The following ST18 variants were observed in gnomAD, a reference collection of about 807,000 sequenced individuals.
The protein encoded by ST18 is suppression of tumorigenicity 18 protein.
Under a neutral mutation model 110.0 loss-of-function variants are expected in ST18, and 50 were observed. The ratio of observed to expected loss-of-function variants is 0.45; its 90% CI spans 0.36 to 0.58. The LOEUF (loss-of-function observed/expected upper bound fraction) is 0.58. Ranked by LOEUF, ST18 falls within the 20% of genes least tolerant of loss-of-function variation. The pLI, the probability that ST18 is intolerant of heterozygous loss-of-function variation, is 0.00. For synonymous variants in ST18, 461 were observed against 452.4 expected, an observed-to-expected ratio of 1.02 and a Z score of -0.24; for missense variants, 1,306 against 1,280.1, an observed-to-expected ratio of 1.02 and a Z score of -0.31.
intron 2 of ST18, among the ~76,000 whole-genome samples, chr8:52,382,371 A>C (rs1399034169): frequency 6.6e-6 from 1 of 152,120 alleles, no homozygotes; most frequent in Admixed American, 6.5e-5. Flanking sequence ...CTGGCAGAAA[A>C]AAAAATAAGA....
chr8:52,335,341 A>G (rs910942070), intron 2 of ST18, among the ~76,000 whole-genome samples: 85 of 149,956 alleles, frequency 5.7e-4, no homozygotes, highest in Non-Finnish European at 1.5e-4. Flanking sequence ...CGCCTGCCTC[A>G]GGGATCCACC....
intron 2 of ST18, among the ~76,000 whole-genome samples, chr8:52,366,519 T>C (rs899759175): frequency 6.6e-6 from 1 of 152,170 alleles, no homozygotes; most frequent in Admixed American, 6.5e-5. Context: ...CAATAAGTCT[T>C]GCTCGTTTTC....
At chr8:52,116,449 A>C in intron 24 of ST18, 31 bp from the exon 25 acceptor site, 2 of 1,600,676 alleles carry the variant, frequency 1.2e-6, no homozygotes, top group South Asian at 2.2e-5. Flanking sequence ...GAATGTGAGT[A>C]GTGGAGTTTG....
At chr8:52,380,699 T>C (rs975287596) in intron 2 of ST18, among the ~76,000 whole-genome samples, 2 of 152,050 alleles carry the variant, frequency 1.3e-5, no homozygotes, top group Non-Finnish European at 2.9e-5. Context: ...TGCCGATGCC[T>C]AACATTCATT....
chr8:52,133,982 C>T (rs1317607346), intron 19 of ST18, among the ~76,000 whole-genome samples: 2 of 152,146 alleles, frequency 1.3e-5, no homozygotes, highest in Non-Finnish European at 2.9e-5. Flanking sequence ...CTGCCCGTCT[C>T]GGCCTCCCAA....
Position 52,169,035 on chromosome 8 carries a change from C to T in ST18, c.1070-2049G>A, listed in dbSNP as rs180678128. On this transcript the variant is annotated intron_variant, in intron 10 of 25. Transcript: ENST00000689386. ...TCGCACACTTCCCCTCCTCGCCACA[C>T]TGTTTGTCTGCAGGAAGCCCGAGAG... 1.1e-4 allele frequency among the ~76,000 whole-genome samples: 16 copies of T among 152,272 alleles called. No homozygotes were observed. The East Asian group carries it at 2.9e-3, about 28-fold the overall frequency.
intron 2 of ST18, among the ~76,000 whole-genome samples, chr8:52,337,262 TAAC>T (rs1305403554): frequency 2.0e-5 from 3 of 152,166 alleles, no homozygotes; most frequent in East Asian, 3.8e-4. Flanking sequence ...AGAAATACAA[TAAC>T]AAGAGCTGCC....
chr8:52,125,134 A>G (rs1393926229), intron 23 of ST18, among the ~76,000 whole-genome samples: 1 of 152,160 alleles, frequency 6.6e-6, no homozygotes, highest in East Asian at 1.9e-4. Context: ...TTCAAGTATC[A>G]AAGGAAAATT....
At chr8:52,225,344 A>T (rs1400513289) in intron 3 of ST18, among the ~76,000 whole-genome samples, 1 of 152,236 alleles carries the variant, frequency 6.6e-6, no homozygotes, top group East Asian at 1.9e-4. Context: ...GTGGGAAAAA[A>T]AAGTTGCATG....
chr8:52,150,032 G>A (rs1308499497), intron 15 of ST18, 55 bp from the exon 16 acceptor site: 1 of 1,553,404 alleles, frequency 6.4e-7, no homozygotes, highest in Admixed American at 2.0e-5. Context: ...TTACAGCCTA[G>A]CCATGTGGGG....
At chr8:52,390,346 C>T (rs554849598) in intron 2 of ST18, among the ~76,000 whole-genome samples, 20 of 152,246 alleles carry the variant, frequency 1.3e-4, no homozygotes, top group African/African-American at 4.8e-4. Flanking sequence ...AGGTAAATCT[C>T]TGTAAAAAAG....
At chr8:52,309,487 C>T (rs901960833) in intron 2 of ST18, among the ~76,000 whole-genome samples, 4 of 136,184 alleles carry the variant, frequency 2.9e-5, no homozygotes, top group Non-Finnish European at 6.1e-5. Context: ...CACCATTGCA[C>T]TCCAGCCTGG....
intron 8 of ST18, among the ~76,000 whole-genome samples, chr8:52,200,777 G>GAGTC (rs1329771280): frequency 2.6e-5 from 4 of 152,184 alleles, no homozygotes; most frequent in Non-Finnish European, 5.9e-5. Flanking sequence ...ATCAGACATA[G>GAGTC]AGTCTGAAGA....
chr8:52,153,586 A>C (rs1474973336), intron 15 of ST18, among the ~76,000 whole-genome samples: 1 of 152,242 alleles, frequency 6.6e-6, no homozygotes, highest in Non-Finnish European at 1.5e-5. Context: ...ACTCAAAATA[A>C]ATAGAGGAGA....
intron 2 of ST18, among the ~76,000 whole-genome samples, chr8:52,375,919 A>G (rs1388886586): frequency 1.3e-5 from 2 of 152,156 alleles, no homozygotes; most frequent in African/African-American, 4.8e-5. Context: ...TCAAATCAAA[A>G]GCTAGGAAGG....
At chr8:52,335,296 G>C (rs922188513) in intron 2 of ST18, among the ~76,000 whole-genome samples, 1 of 152,058 alleles carries the variant, frequency 6.6e-6, no homozygotes, top group Non-Finnish European at 1.5e-5. Context: ...ACCACCCCAA[G>C]ATCCAGGAAT....
At chr8:52,189,348 T>A (rs1452005615) in intron 8 of ST18, among the ~76,000 whole-genome samples, 1 of 152,196 alleles carries the variant, frequency 6.6e-6, no homozygotes, top group African/African-American at 2.4e-5. Context: ...CATGCTGGAT[T>A]GGCATTTGAA....
At chr8:52,298,235 C>T (rs2095663606) in intron 2 of ST18, among the ~76,000 whole-genome samples, 1 of 152,160 alleles carries the variant, frequency 6.6e-6, no homozygotes, top group South Asian at 2.1e-4. Flanking sequence ...AAATTAATGC[C>T]AGAAAGGCTG....
chr8:52,318,998 T>A (rs935169316), intron 2 of ST18, among the ~76,000 whole-genome samples: 1 of 152,072 alleles, frequency 6.6e-6, no homozygotes, highest in Non-Finnish European at 1.5e-5. Context: ...ACCTGGATGA[T>A]GGGATGATCT....
Sources: gnomAD v4.1 joint callset for allele counts (sites outside exome capture counted in the v4.1 genomes callset) on GRCh38, gnomAD v4.1.1 for gene constraint, MANE v1.5 for transcripts, NCBI Gene and HGNC (gene_info 2026-07-23, HGNC 2026-07-21) for gene names.